The following ANKRD30B variants were observed in gnomAD, a reference collection of about 807,000 sequenced individuals.
ANKRD30B encodes ankyrin repeat domain-containing protein 30B.
ANKRD30B carries 144 observed loss-of-function variants against 202.2 expected under a neutral mutation model. The observed-to-expected ratio is 0.71, with a 90% CI of 0.62 to 0.82. ANKRD30B has a LOEUF of 0.82. Ranked by LOEUF, ANKRD30B falls within the 40% of genes least tolerant of loss-of-function variation. ANKRD30B has a pLI of 0.00. For synonymous variants in ANKRD30B, 508 were observed against 561.3 expected (o/e 0.91, Z 1.34); for missense variants, 1,487 against 1,669.1 (o/e 0.89, Z 1.90).
chr18:14,855,645 G>A (rs1972067505), downstream of ANKRD30B, among the ~76,000 whole-genome samples: 1 of 151,038 alleles, frequency 6.6e-6, no homozygotes, highest in African/African-American at 2.4e-5. Flanking sequence ...GCCAGGCAGA[G>A]GCACTCCTCA....
the ANKRD30B span, among the ~76,000 whole-genome samples, chr18:14,880,819 G>T: frequency 6.6e-6 from 1 of 151,576 alleles, no homozygotes; most frequent in Non-Finnish European, 1.5e-5. Flanking sequence ...CAGTTTTGTT[G>T]TTTTATTTTT....
At chr18:14,860,406 C>A in the ANKRD30B span, among the ~76,000 whole-genome samples, 7 of 118,962 alleles carry the variant, frequency 5.9e-5, no homozygotes, top group Admixed American at 8.9e-5. Flanking sequence ...CAGAGGCGCT[C>A]CTCACCTCCC....
At chr18:14,825,626 C>A (rs918294833) in intron 32 of ANKRD30B, among the ~76,000 whole-genome samples, 1 of 151,788 alleles carries the variant, frequency 6.6e-6, no homozygotes, top group Non-Finnish European at 1.5e-5. Flanking sequence ...TGCAACCCCC[C>A]GGCCTTCCAA....
the ANKRD30B span, among the ~76,000 whole-genome samples, chr18:14,907,061 A>T: frequency 1.1e-4 from 16 of 152,316 alleles, no homozygotes; most frequent in Admixed American, 1.0e-3. Context: ...AGTTCTTATT[A>T]TGAAGATGAA....
At chr18:14,862,511 G>T in the ANKRD30B span, among the ~76,000 whole-genome samples, 3 of 152,308 alleles carry the variant, frequency 2.0e-5, no homozygotes, top group East Asian at 5.8e-4. Flanking sequence ...AAAACCTAGA[G>T]AAAATGGATA....
intron 6 of ANKRD30B, among the ~76,000 whole-genome samples, chr18:14,761,009 T>G (rs1389915471): frequency 6.6e-6 from 1 of 152,188 alleles, no homozygotes; most frequent in African/African-American, 2.4e-5. Flanking sequence ...GTGTGATTGA[T>G]GAGCTCAGTA....
At chr18:14,773,487 G>A (rs1598598352) in intron 9 of ANKRD30B, among the ~76,000 whole-genome samples, 1 of 151,966 alleles carries the variant, frequency 6.6e-6, no homozygotes, top group South Asian at 2.1e-4. Flanking sequence ...CAAAAATATG[G>A]CTTAAATTTA....
In ANKRD30B at chr18:14,834,911, A is replaced by C. The variant is rs139311396; in HGVS notation, c.2848-2300A>C. ...CATACTTATAATTTTGTAGAATGCA[A>C]AGTGAAATCTGTTTTAGGCCTTGCC... On this transcript the variant is annotated intron_variant, in intron 34 of 43. Coordinates refer to ENST00000690538, the MANE Select transcript of ANKRD30B (RefSeq NM_001367607.2). Among the ~76,000 whole-genome samples, 35 of 152,076 alleles carry C rather than the reference A, an allele frequency of 2.3e-4. No individual in the cohort carries two copies. The East Asian group carries it at 6.6e-3, about 29-fold the overall frequency.
chr18:14,891,046 C>A, the ANKRD30B span, among the ~76,000 whole-genome samples: 1 of 151,974 alleles, frequency 6.6e-6, no homozygotes, highest in Non-Finnish European at 1.5e-5. Context: ...AAAATTTTAG[C>A]GTACTTTTAT....
At chr18:14,938,358 G>C in the ANKRD30B span, among the ~76,000 whole-genome samples, 4 of 152,240 alleles carry the variant, frequency 2.6e-5, no homozygotes, top group Non-Finnish European at 5.9e-5. Flanking sequence ...AACAGAAGAA[G>C]GATGAAATGC....
intron 20 of ANKRD30B, among the ~76,000 whole-genome samples, 179 bp from the exon 21 acceptor site, chr18:14,798,922 G>C (rs1480280139): frequency 6.6e-6 from 1 of 152,012 alleles, no homozygotes; most frequent in East Asian, 1.9e-4. Flanking sequence ...AGTTTCAGGG[G>C]GTCTCCCTAC....
At chr18:14,844,951 CTTGT>C (rs1323323270) in intron 39 of ANKRD30B, among the ~76,000 whole-genome samples, 3 of 151,664 alleles carry the variant, frequency 2.0e-5, no homozygotes, top group African/African-American at 7.3e-5. Context: ...TTTTTTAAAA[CTTGT>C]TTAAGTTCTT....
At chr18:14,849,569 A>G (rs1351599854) in intron 40 of ANKRD30B, among the ~76,000 whole-genome samples, 1 of 151,696 alleles carries the variant, frequency 6.6e-6, no homozygotes, top group Admixed American at 6.6e-5. Flanking sequence ...TTAAAAATAC[A>G]TATTATTTTT....
chr18:14,789,292 C>T (rs1968305790), intron 15 of ANKRD30B, among the ~76,000 whole-genome samples: 1 of 152,058 alleles, frequency 6.6e-6, no homozygotes, highest in Non-Finnish European at 1.5e-5. Context: ...GGATATTAGC[C>T]CTTTGTCAGA....
chr18:14,858,713 A>G (rs1363528402), downstream of ANKRD30B, among the ~76,000 whole-genome samples: 1 of 145,906 alleles, frequency 6.9e-6, no homozygotes, highest in African/African-American at 2.5e-5. Context: ...GGCACTCCTC[A>G]CCTCCCAGAC....
At chr18:14,751,251 A>T (rs1274108036) in intron 1 of ANKRD30B, among the ~76,000 whole-genome samples, 4 of 152,040 alleles carry the variant, frequency 2.6e-5, no homozygotes, top group Non-Finnish European at 5.9e-5. Flanking sequence ...AATGACAAAT[A>T]TAAGTGTTTT....
intron 14 of ANKRD30B, among the ~76,000 whole-genome samples, chr18:14,785,564 T>C (rs1372783334): frequency 6.6e-6 from 1 of 152,228 alleles, no homozygotes; most frequent in Non-Finnish European, 1.5e-5. Context: ...AAATATTTCC[T>C]TGTGCAATCA....
At chr18:14,918,606 T>C in the ANKRD30B span, among the ~76,000 whole-genome samples, 2 of 152,052 alleles carry the variant, frequency 1.3e-5, no homozygotes, top group Admixed American at 6.5e-5. Context: ...GAAGTCACAA[T>C]GAAGGCACCC....
chr18:14,939,895 T>G, the ANKRD30B span, among the ~76,000 whole-genome samples: 1 of 152,232 alleles, frequency 6.6e-6, no homozygotes, highest in Non-Finnish European at 1.5e-5. Context: ...GCTGGGACTG[T>G]GCAGTGTTAA....
Sources: gnomAD v4.1 joint callset for allele counts (sites outside exome capture counted in the v4.1 genomes callset) on GRCh38, gnomAD v4.1.1 for gene constraint, MANE v1.5 for transcripts, NCBI Gene and HGNC (gene_info 2026-07-23, HGNC 2026-07-21) for gene names.